The following XKR4 variants were observed in gnomAD, a reference collection of about 807,000 sequenced individuals.
The protein encoded by XKR4 is XK related 4.
In XKR4, 12 loss-of-function variants were observed where a neutral mutation model predicts 53.9. The ratio of observed to expected loss-of-function variants is 0.22; its 90% CI spans 0.14 to 0.36. XKR4 has a LOEUF of 0.36. Ranked by LOEUF, XKR4 falls within the 10% of genes least tolerant of loss-of-function variation. The probability of loss-of-function intolerance (pLI) is 1.00; values close to 1 mark genes in which losing one functional copy is unlikely to be tolerated. For synonymous variants in XKR4, 354 were observed against 362.4 expected, an observed-to-expected ratio of 0.98 and a Z score of 0.26; for missense variants, 799 against 859.5, an observed-to-expected ratio of 0.93 and a Z score of 0.88.
At chr8:55,267,674 T>C (rs1818629444) in intron 1 of XKR4, among the ~76,000 whole-genome samples, 1 of 152,064 alleles carries the variant, frequency 6.6e-6, no homozygotes, top group African/African-American at 2.4e-5. Flanking sequence ...CTATTATCTT[T>C]TTTTTCATTT....
In XKR4 at chr8:55,213,960, C is replaced by G. The variant is rs369439061; in HGVS notation, c.806+110666C>G. Among the ~76,000 whole-genome samples the G allele has an allele frequency of 9.8e-5, 14 of 143,094 alleles. No individual in the cohort carries two copies. The East Asian group carries it at 3.2e-3, about 32-fold the overall frequency. 93.9% of individuals were successfully genotyped at this position (143,094 alleles called of 152,430 possible). On this transcript the variant is annotated intron_variant, in intron 1 of 2. Transcript: ENST00000327381. ...CACTGCAAGCTCCGCCTCCCGGGCT[C>G]AAGCAATTCTCCTGTTTGAGTCTCC...
chr8:55,465,329 C>T, intron 2 of XKR4, among the ~76,000 whole-genome samples: 1 of 152,006 alleles, frequency 6.6e-6, no homozygotes, highest in Non-Finnish European at 1.5e-5. Context: ...AGAAATAATG[C>T]CGCATATCTA....
intron 1 of XKR4, among the ~76,000 whole-genome samples, chr8:55,237,023 C>T (rs527444725): frequency 6.6e-6 from 1 of 152,340 alleles, no homozygotes; most frequent in Non-Finnish European, 1.5e-5. Flanking sequence ...TCTGGTTGTG[C>T]TTCTTCTTCA....
intron 1 of XKR4, among the ~76,000 whole-genome samples, chr8:55,177,840 A>T (rs1317924127): frequency 6.6e-6 from 1 of 151,696 alleles, no homozygotes; most frequent in Non-Finnish European, 1.5e-5. Flanking sequence ...ATTTTTTTTT[A>T]AAGTGTGATG....
In XKR4 at chr8:55,481,808, C is replaced by G. The variant is rs530726238; in HGVS notation, c.1007-41473C>G. Among the ~76,000 whole-genome samples the G allele has an allele frequency of 2.1e-3, 314 of 152,268 alleles. 3 individuals carry two copies. Among genetic ancestry groups the G allele is most frequent in the African/African-American group, 7.1e-3 (294 of 41,520 alleles). ...ACACATGAAAAAATGCTCATCATCA[C>G]TGGCCATCAGAGAAATTCAAATCAA... On this transcript the variant is annotated intron_variant, in intron 2 of 2. Coordinates refer to ENST00000327381, the MANE Select transcript of XKR4 (RefSeq NM_052898.2).
At chr8:55,387,913 A>G (rs1804348130) in intron 2 of XKR4, among the ~76,000 whole-genome samples, 1 of 152,200 alleles carries the variant, frequency 6.6e-6, no homozygotes, top group Non-Finnish European at 1.5e-5. Context: ...GGAGGGTGAT[A>G]TGAGCAGGTC....
chr8:55,455,571 A>C (rs916478429), intron 2 of XKR4, among the ~76,000 whole-genome samples: 2 of 152,238 alleles, frequency 1.3e-5, no homozygotes, highest in Non-Finnish European at 1.5e-5. Flanking sequence ...AAAAGAAAGA[A>C]GACTTGTAGC....
intron 2 of XKR4, among the ~76,000 whole-genome samples, chr8:55,428,387 G>A (rs10095520): frequency 0.11 from 17,063 of 152,080 alleles, 2,652 homozygotes; most frequent in African/African-American, 0.35. Context: ...CTAGCCAAAT[G>A]ACCAGGTAGA....
chr8:55,246,713 CTTT>C (rs5891565), intron 1 of XKR4, among the ~76,000 whole-genome samples: 5 of 144,408 alleles, frequency 3.5e-5, no homozygotes, highest in East Asian at 2.0e-4. Flanking sequence ...CCATTAAAGT[CTTT>C]TTTTTTTTTT....
chr8:55,127,213 C>G (rs1816479201), intron 1 of XKR4, among the ~76,000 whole-genome samples: 1 of 150,312 alleles, frequency 6.7e-6, no homozygotes, highest in South Asian at 2.1e-4. Flanking sequence ...CTATCATTTG[C>G]TATCATTTAA....
rs942469483 is a variant in XKR4, at chr8:55,532,967, G to A, written c.*8740G>A. 1 of 152,124 alleles carries A rather than the reference G, an allele frequency of 6.6e-6. No individual in the cohort carries two copies. The highest frequency in any genetic ancestry group is 2.4e-5 in the African/African-American group (1 of 41,420). 9.4% of individuals were successfully genotyped at this position (152,124 alleles called of 1,614,324 possible). A position where few individuals can be genotyped will look rare whatever the true frequency, so the allele number is the denominator to read the frequency against. On this transcript the variant is annotated 3_prime_UTR_variant, in exon 3 of 3. Coordinates refer to ENST00000327381, the MANE Select transcript of XKR4 (RefSeq NM_052898.2). ...AGTACTACAAATGTTATCAGATGGA[G>A]ATGTGGTTAAGCTAATTTAATTTAC...
chr8:55,456,481 C>T (rs1025866665), intron 2 of XKR4, among the ~76,000 whole-genome samples: 2 of 152,030 alleles, frequency 1.3e-5, no homozygotes, highest in Non-Finnish European at 2.9e-5. Flanking sequence ...GAAATTGACT[C>T]AGAGTAGACC....
chr8:55,195,965 C>A (rs990199887), intron 1 of XKR4, among the ~76,000 whole-genome samples: 2 of 152,162 alleles, frequency 1.3e-5, no homozygotes, highest in Non-Finnish European at 2.9e-5. Context: ...AAGTCAGTGC[C>A]ATCTGCTGCT....
chr8:55,428,314 G>T (rs1029874261), intron 2 of XKR4, among the ~76,000 whole-genome samples: 5 of 152,096 alleles, frequency 3.3e-5, no homozygotes, highest in Admixed American at 3.3e-4. Flanking sequence ...TTCAGATTTG[G>T]GGATGACGTC....
chr8:55,440,874 G>C (rs1805253641), intron 2 of XKR4, among the ~76,000 whole-genome samples: 1 of 151,740 alleles, frequency 6.6e-6, no homozygotes, highest in African/African-American at 2.4e-5. Flanking sequence ...GATTAAAAAA[G>C]ATAGCTGGTA....
intron 2 of XKR4, among the ~76,000 whole-genome samples, chr8:55,440,244 T>C (rs376345013): frequency 1.3e-5 from 2 of 152,260 alleles, no homozygotes; most frequent in East Asian, 1.9e-4. Context: ...TATGTTGAAC[T>C]CCAAGTAGAA....
intron 2 of XKR4, among the ~76,000 whole-genome samples, chr8:55,521,378 AT>A (rs1272911125): frequency 1.3e-5 from 2 of 152,132 alleles, no homozygotes; most frequent in African/African-American, 4.8e-5. Context: ...TTCTTTTGTC[AT>A]TTTTTAAACT....
At chr8:55,121,833 TACAC>T (rs35625262) in intron 1 of XKR4, among the ~76,000 whole-genome samples, 108,880 of 148,640 alleles carry the variant, frequency 0.73, 40,529 homozygotes, top group East Asian at 0.91. Flanking sequence ...AATACAACAT[TACAC>T]ACACACACAC....
intron 1 of XKR4, among the ~76,000 whole-genome samples, chr8:55,130,000 G>A (rs977804193): frequency 1.3e-5 from 2 of 152,142 alleles, no homozygotes; most frequent in African/African-American, 2.4e-5. Context: ...GGCTATCCGC[G>A]GAGGTGTGGG....
Sources: allele counts gnomAD v4.1 joint callset (sites outside exome capture counted in the v4.1 genomes callset), GRCh38; gene constraint gnomAD v4.1.1; transcripts MANE v1.5; gene names NCBI Gene and HGNC (gene_info 2026-07-23, HGNC 2026-07-21).